KLF8: variants seen among roughly 807,000 people sequenced by gnomAD.
KLF8 encodes KLF transcription factor 8, also known as Krueppel-like factor 8.
KLF8 carries 10 observed loss-of-function variants against 18.2 expected under a neutral mutation model. The ratio of observed to expected loss-of-function variants is 0.55; its 90% CI spans 0.34 to 0.93. KLF8 has a LOEUF of 0.93. Ranked by LOEUF, KLF8 falls within the 40% of genes least tolerant of loss-of-function variation. KLF8 has a pLI of 0.02. For synonymous variants in KLF8, 109 were observed against 97.3 expected (o/e 1.12, Z -0.71); for missense variants, 264 against 277.9 (o/e 0.95, Z 0.36).
the KLF8 span, among the ~76,000 whole-genome samples, chrX:55,952,892 C>T: frequency 6.2e-4 from 69 of 111,691 alleles, no homozygotes; most frequent in Non-Finnish European, 1.2e-3. Context: ...GAACTTATGA[C>T]GTGGACATTA....
the KLF8 span, among the ~76,000 whole-genome samples, chrX:56,006,723 G>A: frequency 8.9e-6 from 1 of 112,435 alleles, no homozygotes; most frequent in Admixed American, 9.4e-5. Context: ...TGGTATCTTA[G>A]TATATTCCAG....
At chrX:56,097,856 G>A in the KLF8 span, among the ~76,000 whole-genome samples, 2 of 108,539 alleles carry the variant, frequency 1.8e-5, no homozygotes, top group Admixed American at 2.0e-4. Flanking sequence ...ATACATAGTG[G>A]TGACAAACTA....
the KLF8 span, among the ~76,000 whole-genome samples, chrX:56,051,050 G>T: frequency 9.1e-6 from 1 of 109,698 alleles, no homozygotes; most frequent in Non-Finnish European, 1.9e-5. Flanking sequence ...TTTGATCTTT[G>T]TTGGTTTAAA....
At chrX:56,020,858 G>A in the KLF8 span, among the ~76,000 whole-genome samples, 1 of 111,805 alleles carries the variant, frequency 8.9e-6, no homozygotes, top group Admixed American at 9.5e-5. Context: ...CTGTGCTCCT[G>A]CCCTACTGAA....
At chrX:56,072,228 A>T in the KLF8 span, among the ~76,000 whole-genome samples, 1 of 112,105 alleles carries the variant, frequency 8.9e-6, no homozygotes. Flanking sequence ...TAGTGGAGTG[A>T]TAAGTATGAA....
the KLF8 span, among the ~76,000 whole-genome samples, chrX:55,955,886 A>G: frequency 1.8e-5 from 2 of 111,521 alleles, no homozygotes; most frequent in Non-Finnish European, 3.8e-5. Context: ...TTTTATTCCA[A>G]TGAGTTGCCA....
the KLF8 span, among the ~76,000 whole-genome samples, chrX:56,184,744 T>G: frequency 8.9e-6 from 1 of 112,174 alleles, no homozygotes; most frequent in Non-Finnish European, 1.9e-5. Context: ...CAGCCACTGC[T>G]GCTGATACAC....
At chrX:55,977,059 C>A in the KLF8 span, among the ~76,000 whole-genome samples, 2 of 111,808 alleles carry the variant, frequency 1.8e-5, no homozygotes. Flanking sequence ...AGGTCATCTG[C>A]CAACAGAGAC....
chrX:56,086,420 G>T, the KLF8 span, among the ~76,000 whole-genome samples: 1 of 110,602 alleles, frequency 9.0e-6, no homozygotes. Context: ...AAAGAGCAAG[G>T]TTCTATAAAA....
At chrX:55,988,275 C>A in the KLF8 span, among the ~76,000 whole-genome samples, 1 of 110,576 alleles carries the variant, frequency 9.0e-6, no homozygotes, top group African/African-American at 3.3e-5. Flanking sequence ...AAGTCCTTGC[C>A]CATGCCTATG....
the KLF8 span, among the ~76,000 whole-genome samples, chrX:55,926,565 G>T: frequency 9.0e-6 from 1 of 110,577 alleles, no homozygotes; most frequent in African/African-American, 3.3e-5. Context: ...GTATTTGTTG[G>T]GAATATGATA....
At chrX:56,046,573 G>A in the KLF8 span, among the ~76,000 whole-genome samples, 2 of 104,362 alleles carry the variant, frequency 1.9e-5, no homozygotes, top group Admixed American at 1.0e-4. Context: ...TGCTGAATTG[G>A]TAGTGTCGTA....
At chrX:56,152,216 C>T in the KLF8 span, among the ~76,000 whole-genome samples, 4 of 111,511 alleles carry the variant, frequency 3.6e-5, no homozygotes, top group African/African-American at 9.8e-5. Flanking sequence ...GGTGCTGAAC[C>T]TCTAACGTCC....
the KLF8 span, among the ~76,000 whole-genome samples, chrX:56,068,050 G>T: frequency 8.9e-6 from 1 of 112,198 alleles, no homozygotes; most frequent in Non-Finnish European, 1.9e-5. Context: ...CAGCCTCATG[G>T]TCTCCCTTTT....
chrX:56,269,144 A>C, intron 3 of KLF8: 1 of 969,398 alleles, frequency 1.0e-6, no homozygotes, highest in South Asian at 3.3e-5. Flanking sequence ...TGGTATCAGA[A>C]CTCTTCATAC....
At position 56,286,606 on chromosome X, in the gene KLF8, A is replaced by G. The variant is rs1378622085; in HGVS notation, c.*2112A>G. The G allele has an allele frequency of 3.5e-5, 4 of 112,805 alleles. No individual in the cohort carries two copies. The East Asian group carries it at 1.1e-3, about 31-fold the overall frequency. The allele number at this position is 112,805 out of a possible 1,213,427, so 9.3% of individuals were successfully genotyped here. ...ATGTACTTGTGGTCATTGCCGTATA[A>G]CATTAGGCACACGCTTCTAACACTT... On this transcript the variant is annotated 3_prime_UTR_variant, in exon 6 of 6. Coordinates refer to ENST00000468660, the MANE Select transcript of KLF8 (RefSeq NM_007250.5).
chrX:56,226,492 A>T, the KLF8 span, among the ~76,000 whole-genome samples: 1 of 112,274 alleles, frequency 8.9e-6, no homozygotes, highest in African/African-American at 3.2e-5. Context: ...GAAAATATTT[A>T]TCTATGTACC....
At chrX:56,055,581 C>T in the KLF8 span, among the ~76,000 whole-genome samples, 1 of 111,654 alleles carries the variant, frequency 9.0e-6, no homozygotes, top group Non-Finnish European at 1.9e-5. Flanking sequence ...CTGGGATTCT[C>T]TGCATTTTTT....
the KLF8 span, among the ~76,000 whole-genome samples, chrX:55,939,666 A>C: frequency 1.8e-5 from 2 of 111,706 alleles, no homozygotes; most frequent in Non-Finnish European, 3.8e-5. Flanking sequence ...AGAACCAAAT[A>C]GACACAATAA....
Sources: allele counts gnomAD v4.1 joint callset (sites outside exome capture counted in the v4.1 genomes callset), GRCh38; gene constraint gnomAD v4.1.1; transcripts MANE v1.5; gene names NCBI Gene and HGNC (gene_info 2026-07-23, HGNC 2026-07-21).